ASB18: variants seen among roughly 807,000 people sequenced by gnomAD.
ASB18 encodes the protein ankyrin repeat and SOCS box containing 18, also known as ankyrin repeat and SOCS box protein 18.
ASB18 carries 33 observed loss-of-function variants against 33.4 expected under a neutral mutation model. That is an observed-to-expected ratio of 0.99 (90% CI 0.75 to 1.32). The LOEUF (loss-of-function observed/expected upper bound fraction) is 1.32, where lower values mean the gene tolerates loss of function less well. Ranked by LOEUF, ASB18 falls within the 40% of genes most tolerant of loss-of-function variation. The probability of loss-of-function intolerance (pLI) is 0.00; values close to 1 mark genes in which losing one functional copy is unlikely to be tolerated. For synonymous variants in ASB18, 295 were observed against 307.6 expected (o/e 0.96, Z 0.43); for missense variants, 694 against 655.5 (o/e 1.06, Z -0.64).
chr2:236,258,807 G>C (rs955296829), intron 1 of ASB18, among the ~76,000 whole-genome samples: 5 of 152,090 alleles, frequency 3.3e-5, no homozygotes, highest in Non-Finnish European at 7.4e-5. Context: ...AACTCAATTA[G>C]TATTTCTTTA....
In ASB18 at chr2:236,256,640, T is replaced by C. The variant is rs1297758533; in HGVS notation, c.205+7501A>G. 1.3e-5 allele frequency among the ~76,000 whole-genome samples: 2 copies of C among 152,234 alleles called. No individual in the cohort carries two copies. The highest frequency in any genetic ancestry group is 2.9e-5 in the Non-Finnish European group (2 of 68,040). Reference sequence around the variant, plus strand: ...TGTGCTTGGGGATGATGTTAATAGATGGATGTCATCAGCATACATTATTTC... The same window carrying C: ...TGTGCTTGGGGATGATGTTAATAGACGGATGTCATCAGCATACATTATTTC... On this transcript the variant is annotated intron_variant, in intron 1 of 5. Coordinates refer to ENST00000409749, the MANE Select transcript of ASB18 (RefSeq NM_212556.4). This position sits in a 1 kb window ranked among gnomAD's most constrained non-coding sequence, Gnocchi z 4.7.
At chr2:236,254,467 G>A (rs987646409) in intron 1 of ASB18, among the ~76,000 whole-genome samples, 1 of 151,662 alleles carries the variant, frequency 6.6e-6, no homozygotes, top group East Asian at 2.0e-4. Context: ...TGAACTTCTT[G>A]AATCTATAAA....
intron 3 of ASB18, among the ~76,000 whole-genome samples, chr2:236,218,380 G>A (rs1169883380): frequency 6.6e-6 from 1 of 152,198 alleles, no homozygotes; most frequent in Non-Finnish European, 1.5e-5. Flanking sequence ...AAATGAAGGT[G>A]TGAGAGCCTA....
rs762506332 is a variant in ASB18 at position 236,238,390 on chromosome 2, C to T, written c.329-434G>A. Reference sequence around the variant, plus strand: ...AGGAAAGTGGGTTGTGGAATTTTCCCGAATCCAGCACTCCCTTAGCTGAGC... The same window carrying T: ...AGGAAAGTGGGTTGTGGAATTTTCCTGAATCCAGCACTCCCTTAGCTGAGC... On this transcript the variant is annotated intron_variant, in intron 2 of 5. Transcript: ENST00000409749. The surrounding 1 kb of genome is among the most constrained non-coding windows in gnomAD (Gnocchi z 5.2). 3.3e-5 allele frequency among the ~76,000 whole-genome samples: 5 copies of T among 152,056 alleles called. No individual in the cohort carries two copies. The highest frequency in any genetic ancestry group is 4.4e-5 in the Non-Finnish European group (3 of 68,020).
In ASB18 at chr2:236,215,749, C is replaced by T. The variant is rs1468736845; in HGVS notation, c.597-883G>A. Among the ~76,000 whole-genome samples the T allele has an allele frequency of 6.6e-6, 1 of 152,152 alleles. No individual in the cohort carries two copies. The highest frequency in any genetic ancestry group is 2.4e-5 in the African/African-American group (1 of 41,434). ...ACAGTCATACAGACCCTCTGCCCTC[C>T]GCTGGTCCTTGTCCTTCATGGACAC... is the stretch of plus-strand genomic sequence containing the variant. On this transcript the variant is annotated intron_variant, in intron 3 of 5. Coordinates refer to ENST00000409749, the MANE Select transcript of ASB18 (RefSeq NM_212556.4). The surrounding 1 kb of genome is among the most constrained non-coding windows in gnomAD (Gnocchi z 7.2).
At position 236,220,886 on chromosome 2, in the gene ASB18, T is replaced by C. The variant is rs943761025; in HGVS notation, c.597-6020A>G. On this transcript the variant is annotated intron_variant, in intron 3 of 5. Transcript: ENST00000409749. The surrounding 1 kb of genome is among the most constrained non-coding windows in gnomAD (Gnocchi z 5.1). The stretch of plus-strand genomic sequence containing the variant: ...TCCTTTCGAGGTAAGGAGAAGTGTT[T>C]CTCCTCTTATCACTCCACAGGAATT... 9.2e-5 allele frequency among the ~76,000 whole-genome samples: 14 copies of C among 152,082 alleles called. No individual in the cohort carries two copies. Among genetic ancestry groups the C allele is most frequent in the African/African-American group, 3.1e-4 (13 of 41,406 alleles).
intron 4 of ASB18, among the ~76,000 whole-genome samples, chr2:236,202,274 G>A (rs2060406736): frequency 6.6e-6 from 1 of 151,792 alleles, no homozygotes; most frequent in African/African-American, 2.4e-5. Flanking sequence ...TTAACCTTTT[G>A]TTTCACTTTG....
rs1038367231 is a variant in ASB18, at chr2:236,248,527, A to T, written c.206-7125T>A. 2.0e-5 allele frequency: 3 copies of T among 151,368 alleles called. No individual in the cohort carries two copies. The highest frequency in any genetic ancestry group is 4.4e-5 in the Non-Finnish European group (3 of 67,948). The allele number at this position is 151,368 out of a possible 1,614,324, so 9.4% of individuals were successfully genotyped here. On this transcript the variant is annotated intron_variant, in intron 1 of 5. Transcript: ENST00000409749. This position sits in a 1 kb window ranked among gnomAD's most constrained non-coding sequence, Gnocchi z 4.9. ...AGAATTGCTTGAACCTGGGAGGCAG[A>T]GGTTGTGGTGAGTTGAGATAATGCC...
Position 236,214,268 on chromosome 2 carries a change from A to T in ASB18, c.1101+94T>A. On this transcript the variant is annotated intron_variant, in intron 4 of 5. Transcript: ENST00000409749. The surrounding 1 kb of genome is among the most constrained non-coding windows in gnomAD (Gnocchi z 6.5). ...TCCCCAGGGGTGCCTGGGCCATTAC[A>T]CTTTGAGAGCGCCGCATGCAACCCA... is the stretch of plus-strand genomic sequence containing the variant. The T allele has an allele frequency of 4.5e-6, 6 of 1,335,892 alleles. No homozygotes were observed. The highest frequency in any genetic ancestry group is 5.0e-6 in the Non-Finnish European group (5 of 993,628). 82.8% of individuals were successfully genotyped at this position (1,335,892 alleles called of 1,614,324 possible). A position where few individuals can be genotyped will look rare whatever the true frequency, so the allele number is the denominator to read the frequency against.
intron 4 of ASB18, among the ~76,000 whole-genome samples, chr2:236,202,794 A>AAAT (rs1553599229): frequency 3.5e-4 from 41 of 117,680 alleles, no homozygotes; most frequent in East Asian, 7.5e-4. Flanking sequence ...AAAAAAAAAA[A>AAAT]ATATATATAT....
At chr2:236,243,020 CAAAAAAAAAAA>C (rs35265987) in intron 1 of ASB18, among the ~76,000 whole-genome samples, 2 of 38,420 alleles carry the variant, frequency 5.2e-5, no homozygotes, top group Admixed American at 4.2e-4. Context: ...GACCCTGTCT[CAAAAAAAAAAA>C]AAAAAAAAAA....
chr2:236,196,396 G>A lies in ASB18; in HGVS notation c.1102-11C>T, dbSNP rs1468673957. 4 of 1,515,530 alleles carry A rather than the reference G, an allele frequency of 2.6e-6. No homozygotes were observed. The highest frequency in any genetic ancestry group is 3.6e-6 in the Non-Finnish European group (4 of 1,113,398). The allele number at this position is 1,515,530 out of a possible 1,614,324, so 93.9% of individuals were successfully genotyped here. ...ACAGGTCTTCAGCACCTGGTGGGAA[G>A]AGGTGAAAGACGCAGCGTAGGCCGA... On this transcript the variant is annotated splice_polypyrimidine_tract_variant and intron_variant, in intron 4 of 5. Coordinates refer to ENST00000409749, the MANE Select transcript of ASB18 (RefSeq NM_212556.4). The surrounding 1 kb of genome is among the most constrained non-coding windows in gnomAD (Gnocchi z 5.6).
At position 236,222,651 on chromosome 2, in the gene ASB18, T is replaced by A. The variant is rs1211092944; in HGVS notation, c.597-7785A>T. Among the ~76,000 whole-genome samples the A allele has an allele frequency of 6.6e-6, 1 of 152,170 alleles. No homozygotes were observed. The highest frequency in any genetic ancestry group is 1.5e-5 in the Non-Finnish European group (1 of 68,034). ...GGTGGTTGGTTCATGGGGGTAGGTC[T>A]CTCACGAATGGTTTAGTACCATCCC... is the stretch of plus-strand genomic sequence containing the variant. On this transcript the variant is annotated intron_variant, in intron 3 of 5. Transcript: ENST00000409749. The surrounding 1 kb of genome is among the most constrained non-coding windows in gnomAD (Gnocchi z 5.5).
chr2:236,212,785 C>A lies in ASB18; in HGVS notation c.1101+1577G>T, dbSNP rs552149010. On this transcript the variant is annotated intron_variant, in intron 4 of 5. Coordinates refer to ENST00000409749, the MANE Select transcript of ASB18 (RefSeq NM_212556.4). ...GACTACAGGTGCATGCCACCAGGCC[C>A]TGCTAATTTTTTTAAAAAAATTTTT... Among the ~76,000 whole-genome samples, 20 of 152,064 alleles carry A rather than the reference C, an allele frequency of 1.3e-4. No individual in the cohort carries two copies. In the South Asian group the frequency reaches 4.0e-3, roughly 30 times the overall value.
chr2:236,230,095 A>C (rs756878705), intron 3 of ASB18, among the ~76,000 whole-genome samples: 4 of 152,126 alleles, frequency 2.6e-5, no homozygotes, highest in Non-Finnish European at 4.4e-5. Context: ...AACAGTTGTT[A>C]TAACTATATT....
chr2:236,196,163 T>A lies in ASB18; in HGVS notation c.1215+109A>T. On this transcript the variant is annotated intron_variant, in intron 5 of 5. Transcript: ENST00000409749. The surrounding 1 kb of genome is among the most constrained non-coding windows in gnomAD (Gnocchi z 5.6). ...CACCCTCATTTCCCATTCTTCCTTT[T>A]TCAGATGTATAATACTTAGCCGAAT... The A allele has an allele frequency of 1.4e-6, 1 of 722,128 alleles. No homozygotes were observed. The highest frequency in any genetic ancestry group is 2.6e-6 in the Non-Finnish European group (1 of 390,620). 44.7% of individuals were successfully genotyped at this position (722,128 alleles called of 1,614,324 possible).
chr2:236,206,023 T>C (rs1203664656), intron 4 of ASB18, among the ~76,000 whole-genome samples: 5 of 152,232 alleles, frequency 3.3e-5, no homozygotes, highest in African/African-American at 7.2e-5. Flanking sequence ...CCCTTTTCGA[T>C]TGCCAACCAA....
At chr2:236,198,338 A>G (rs1159340802) in intron 4 of ASB18, among the ~76,000 whole-genome samples, 1 of 152,154 alleles carries the variant, frequency 6.6e-6, no homozygotes, top group African/African-American at 2.4e-5. Flanking sequence ...TCCATGCAGA[A>G]TAGATTGTGA....
Position 236,203,339 on chromosome 2 carries a change from G to C in ASB18, c.1102-6954C>G, listed in dbSNP as rs908640768. On this transcript the variant is annotated intron_variant, in intron 4 of 5. Coordinates refer to ENST00000409749, the MANE Select transcript of ASB18 (RefSeq NM_212556.4). This position sits in a 1 kb window ranked among gnomAD's most constrained non-coding sequence, Gnocchi z 6.0. ...GGGAAAAAAAGGCATGGAGAGTTCTGGGGACAAGAGTGTTCTAGGCAGAGA... is the reference window on the plus strand; with the variant it reads ...GGGAAAAAAAGGCATGGAGAGTTCTCGGGACAAGAGTGTTCTAGGCAGAGA... Among the ~76,000 whole-genome samples the C allele has an allele frequency of 1.3e-5, 2 of 152,162 alleles. No homozygotes were observed. Among genetic ancestry groups the C allele is most frequent in the Non-Finnish European group, 2.9e-5 (2 of 68,038 alleles).
Sources: gnomAD v4.1 joint callset for allele counts (sites outside exome capture counted in the v4.1 genomes callset) on GRCh38, gnomAD v4.1.1 for gene constraint, Gnocchi (gnomAD v3.1) non-coding constraint, MANE v1.5 for transcripts, NCBI Gene and HGNC (gene_info 2026-07-23, HGNC 2026-07-21) for gene names.